MARCHF4: variants seen among roughly 807,000 people sequenced by gnomAD.
The protein encoded by MARCHF4 is membrane associated ring-CH-type finger 4.
In MARCHF4, 14 loss-of-function variants were observed where a neutral mutation model predicts 43.9. The ratio of observed to expected loss-of-function variants is 0.32; its 90% confidence interval spans 0.21 to 0.50. The LOEUF is 0.50. Among genes scored for constraint, MARCHF4 ranks in the 20% least tolerant of loss-of-function variants. The pLI is 0.98. For synonymous variants in MARCHF4, 226 were observed against 213.3 expected (o/e 1.06, Z -0.52); for missense variants, 468 against 536.7 (o/e 0.87, Z 1.27).
intron 3 of MARCHF4, among the ~76,000 whole-genome samples, chr2:216,269,439 T>C (rs1010828303): frequency 2.6e-5 from 4 of 152,092 alleles, no homozygotes; most frequent in African/African-American, 4.8e-5. Context: ...GATCTTCTCA[T>C]TGAGGGGACA....
intron 1 of MARCHF4, among the ~76,000 whole-genome samples, chr2:216,340,300 G>T (rs1439101094): frequency 3.3e-5 from 5 of 152,176 alleles, no homozygotes; most frequent in Non-Finnish European, 4.4e-5. Flanking sequence ...CCCCATCTGA[G>T]TGTTGTTTGT....
intron 1 of MARCHF4, among the ~76,000 whole-genome samples, chr2:216,313,529 C>T (rs1383285428): frequency 2.0e-5 from 3 of 152,182 alleles, no homozygotes; most frequent in African/African-American, 7.2e-5. Flanking sequence ...CCCGTACCTA[C>T]TTCACAGGTC....
chr2:216,363,875 G>T (rs1692626510), intron 1 of MARCHF4, among the ~76,000 whole-genome samples: 1 of 152,170 alleles, frequency 6.6e-6, no homozygotes, highest in Non-Finnish European at 1.5e-5. Flanking sequence ...TACTGGGCCT[G>T]GATGTCCTGA....
intron 1 of MARCHF4, among the ~76,000 whole-genome samples, chr2:216,287,245 A>G (rs1691230803): frequency 6.6e-6 from 1 of 152,154 alleles, no homozygotes; most frequent in South Asian, 2.1e-4. Flanking sequence ...AGAACTGAGC[A>G]CATCAGCGAT....
chr2:216,266,340 C>T (rs1690844585), intron 3 of MARCHF4, among the ~76,000 whole-genome samples: 1 of 152,108 alleles, frequency 6.6e-6, no homozygotes, highest in Non-Finnish European at 1.5e-5. Flanking sequence ...GCCTGGGACA[C>T]ATGTAACACT....
chr2:216,283,335 T>C (rs1691162153), intron 2 of MARCHF4, among the ~76,000 whole-genome samples: 1 of 152,194 alleles, frequency 6.6e-6, no homozygotes, highest in Admixed American at 6.5e-5. Flanking sequence ...TTTCCTTCTG[T>C]ATCTATTTCC....
rs894562153 is a variant in MARCHF4, at chr2:216,371,694, G to C, written c.-1434C>G. ...CAACCAGAGGCGAGGCCGGCGTGGG[G>C]GTGGGGGCGGCTGGGGAGTGAGGAG... is the stretch of plus-strand genomic sequence containing the variant. On this transcript the variant is annotated 5_prime_UTR_variant, in exon 1 of 4. Coordinates refer to ENST00000273067, the MANE Select transcript of MARCHF4 (RefSeq NM_020814.3). 1 of 152,532 alleles carries C rather than the reference G, an allele frequency of 6.6e-6. No homozygotes were observed. Among genetic ancestry groups the C allele is most frequent in the Non-Finnish European group, 1.5e-5 (1 of 68,288 alleles). The allele number at this position is 152,532 out of a possible 1,614,324, so 9.4% of individuals were successfully genotyped here. A position where few individuals can be genotyped will look rare whatever the true frequency, so the allele number is the denominator to read the frequency against.
intron 1 of MARCHF4, among the ~76,000 whole-genome samples, chr2:216,339,276 T>C (rs577822331): frequency 1.3e-4 from 19 of 151,998 alleles, no homozygotes; most frequent in Non-Finnish European, 2.1e-4. Context: ...CAAGGTGTAG[T>C]GTTCAATGGC....
chr2:216,356,511 A>G (rs949063807), intron 1 of MARCHF4, among the ~76,000 whole-genome samples: 7 of 152,192 alleles, frequency 4.6e-5, no homozygotes, highest in Admixed American at 1.3e-4. Flanking sequence ...GATAGAGGAC[A>G]CTGAAGTTCG....
intron 1 of MARCHF4, among the ~76,000 whole-genome samples, chr2:216,317,788 C>T (rs1295200533): frequency 2.0e-5 from 3 of 152,068 alleles, no homozygotes; most frequent in South Asian, 2.1e-4. Context: ...ATGACCGGGT[C>T]GTGTGGTGAT....
intron 1 of MARCHF4, among the ~76,000 whole-genome samples, chr2:216,295,422 C>T (rs1559092160): frequency 6.6e-6 from 1 of 152,112 alleles, no homozygotes; most frequent in Non-Finnish European, 1.5e-5. Context: ...CCACCGTGCC[C>T]TAATTCTGTT....
rs751762461 is a variant in MARCHF4, at chr2:216,277,845, G to A, written c.692C>T (p.Thr231Met). ...TGCAACCTGAACCTTCTCAATGACC[G>A]TCAGAGAGATGGCCTGCCACTGCAG... ...NPLQWQAISL[T>M]VIEKVQVAAA... is the part of the protein sequence containing the mutation. Residue 231 changes from threonine (T) to methionine (M), a missense_variant, in exon 3 of 4, where the codon ACG (threonine) becomes ATG (methionine). Transcript: ENST00000273067. The A allele has an allele frequency of 9.9e-6, 16 of 1,611,778 alleles. No homozygotes were observed. Among genetic ancestry groups the A allele is most frequent in the Non-Finnish European group, 1.2e-5 (14 of 1,178,090 alleles).
intron 1 of MARCHF4, among the ~76,000 whole-genome samples, chr2:216,323,132 G>A (rs1691931488): frequency 6.6e-6 from 1 of 152,106 alleles, no homozygotes; most frequent in Non-Finnish European, 1.5e-5. Context: ...CTCATTAGAT[G>A]TTCAAACTGA....
At chr2:216,267,144 C>T (rs1170161041) in intron 3 of MARCHF4, among the ~76,000 whole-genome samples, 1 of 152,150 alleles carries the variant, frequency 6.6e-6, no homozygotes, top group East Asian at 1.9e-4. Context: ...GCTAACGGTC[C>T]ACTAAAATCC....
chr2:216,324,767 A>C (rs9752300), intron 1 of MARCHF4, among the ~76,000 whole-genome samples: 11,664 of 80,430 alleles, frequency 0.15, 1,074 homozygotes, highest in East Asian at 0.29. Context: ...ATTCAACAAC[A>C]TTCATGCTAA....
intron 3 of MARCHF4, among the ~76,000 whole-genome samples, chr2:216,264,487 A>G (rs149026098): frequency 2.0e-3 from 301 of 152,330 alleles, no homozygotes; most frequent in African/African-American, 7.0e-3. Flanking sequence ...GAAGCCATTC[A>G]TCTGTCCATT....
intron 1 of MARCHF4, among the ~76,000 whole-genome samples, chr2:216,354,345 T>C (rs1187318391): frequency 6.6e-6 from 1 of 152,204 alleles, no homozygotes. Context: ...GAGAATTCTC[T>C]TAACTGCCTT....
In MARCHF4 at chr2:216,370,257, G is replaced by A. The variant is rs141620155; in HGVS notation, c.4C>T (p.Leu2=). The change falls in exon 1 of 4, where the codon CTG becomes TTG. Residue 2 remains leucine (L), a synonymous_variant. Transcript: ENST00000273067. ...CAGAGCAGCCCACACAGGGGCATCA[G>A]CATGTGCCCCGTGGAAGTAGAGAGC... The part of the protein sequence containing the change: M[L]MPLCGLLWWW... The A allele has an allele frequency of 1.9e-4, 301 of 1,597,948 alleles. 1 individual carries two copies. The highest frequency in any genetic ancestry group is 1.2e-3 in the South Asian group (112 of 89,826).
In MARCHF4 at chr2:216,258,923, G is replaced by A. The variant is rs1459893916; in HGVS notation, c.*389C>T. On this transcript the variant is annotated 3_prime_UTR_variant, in exon 4 of 4. Coordinates refer to ENST00000273067, the MANE Select transcript of MARCHF4 (RefSeq NM_020814.3). ...CAGGGTGAGAGCAGAGCAGACCACA[G>A]ATGCTTTTCCTCTTGGCCCCCTTGG... The A allele has an allele frequency of 1.8e-5, 3 of 170,762 alleles. No individual in the cohort carries two copies. Among genetic ancestry groups the A allele is most frequent in the Non-Finnish European group, 3.8e-5 (3 of 78,678 alleles). 10.6% of individuals were successfully genotyped at this position (170,762 alleles called of 1,614,324 possible). A position where few individuals can be genotyped will look rare whatever the true frequency, so the allele number is the denominator to read the frequency against.
Sources: allele counts gnomAD v4.1 joint callset (sites outside exome capture counted in the v4.1 genomes callset), GRCh38; gene constraint gnomAD v4.1.1; transcripts MANE v1.5; gene names NCBI Gene and HGNC (gene_info 2026-07-23, HGNC 2026-07-21).